The following WDFY4 variants were observed in gnomAD, a reference collection of about 807,000 sequenced individuals.
The protein encoded by WDFY4 is WDFY family member 4.
A neutral mutation model predicts 351.9 loss-of-function variants in WDFY4; 169 were observed. That is an observed-to-expected ratio of 0.48 (90% confidence interval 0.42 to 0.55). The LOEUF (loss-of-function observed/expected upper bound fraction) is 0.55, where lower values mean the gene tolerates loss of function less well. Among genes scored for constraint, WDFY4 ranks in the 20% least tolerant of loss-of-function variants. The pLI is 0.00. For missense variants in WDFY4, 3,803 were observed against 3,935.6 expected (o/e 0.97, Z 0.90); for synonymous variants, 1,622 against 1,574.6 (o/e 1.03, Z -0.71).
At chr10:48,884,248 G>C (rs772010522) in intron 43 of WDFY4, 2 of 152,116 alleles carry the variant, frequency 1.3e-5, no homozygotes, top group Admixed American at 6.5e-5. Context: ...GCTCCTCCCA[G>C]GTATCTTTAG....
At chr10:48,909,377 G>A (rs1837803075) in intron 47 of WDFY4, 1 of 151,022 alleles carries the variant, frequency 6.6e-6, no homozygotes, top group Non-Finnish European at 1.5e-5. Context: ...CTTATCTATA[G>A]TATTTTTTAG....
chr10:48,775,842 GAAGTAA>G, intron 15 of WDFY4, 36 bp downstream of exon 15: 1 of 1,519,226 alleles, frequency 6.6e-7, no homozygotes, highest in Non-Finnish European at 8.9e-7. Context: ...AGGTTAATGG[GAAGTAA>G]AAGATGATAG....
intron 23 of WDFY4, among the ~76,000 whole-genome samples, chr10:48,791,542 C>T (rs998859872): frequency 9.9e-5 from 15 of 152,182 alleles, no homozygotes; most frequent in African/African-American, 3.4e-4. Context: ...GTGTTGAGAG[C>T]TTAGAGGAGC....
At chr10:48,946,759 A>T in intron 50 of WDFY4, 101 bp from the exon 51 acceptor site, 1 of 844,832 alleles carries the variant, frequency 1.2e-6, no homozygotes, top group Non-Finnish European at 1.9e-6. Flanking sequence ...GTCAATGAAT[A>T]TATGTTTTTA....
intron 6 of WDFY4, among the ~76,000 whole-genome samples, 179 bp downstream of exon 6, chr10:48,726,249 A>G (rs1264977145): frequency 6.6e-6 from 1 of 152,224 alleles, no homozygotes; most frequent in African/African-American, 2.4e-5. Context: ...ATAATTCTAC[A>G]TGGCTTGGCT....
chr10:48,703,876 T>C (rs1352238762), intron 1 of WDFY4, among the ~76,000 whole-genome samples: 1 of 152,086 alleles, frequency 6.6e-6, no homozygotes, highest in Admixed American at 6.5e-5. Flanking sequence ...ATGCTATGTA[T>C]CCCTGCAGGG....
intron 13 of WDFY4, among the ~76,000 whole-genome samples, chr10:48,774,171 C>G (rs1383419102): frequency 1.3e-5 from 2 of 152,264 alleles, no homozygotes; most frequent in African/African-American, 4.8e-5. Context: ...GCAGACGCAG[C>G]CTCCTGCCTG....
rs560695598 is a variant in WDFY4 at position 48,980,411 on chromosome 10, G to T, written c.9377-956G>T. Among the ~76,000 whole-genome samples the T allele has an allele frequency of 2.0e-5, 3 of 152,310 alleles. No individual in the cohort carries two copies. In the South Asian group the frequency reaches 6.2e-4, roughly 32 times the overall value. ...CTATACCCCTCAAATGTCTTAAGGG[G>T]CAAGAAAGGAGATCTTTGAAGATAT... On this transcript the variant is annotated intron_variant, in intron 60 of 61. Coordinates refer to ENST00000325239, the MANE Select transcript of WDFY4 (RefSeq NM_001394531.1).
At chr10:48,709,534 T>C in intron 1 of WDFY4, among the ~76,000 whole-genome samples, 182 bp from the exon 2 acceptor site, 1 of 152,250 alleles carries the variant, frequency 6.6e-6, no homozygotes, top group East Asian at 1.9e-4. Context: ...GAACTTGTAT[T>C]AATCACATCT....
chr10:48,879,731 T>A (rs1047347485), intron 43 of WDFY4, among the ~76,000 whole-genome samples: 1 of 152,134 alleles, frequency 6.6e-6, no homozygotes, highest in Non-Finnish European at 1.5e-5. Context: ...CTTCTGTAGG[T>A]CTGAGCTCCT....
Position 48,743,117 on chromosome 10 carries a change from G to A in WDFY4, c.2028G>A (p.Gln676=). Residue 676 remains glutamine (Q), a synonymous_variant, in exon 12 of 62, where the codon CAG becomes CAA. Coordinates refer to ENST00000325239, the MANE Select transcript of WDFY4 (RefSeq NM_001394531.1). ...LQAWGAVSPR[Q]TLELVLYTLC... ...CATGGGGAGCAGTATCCCCCAGACA[G>A]ACCCTGGAGCTGGTTTTGTACACTC... 1 of 1,551,758 alleles carries A rather than the reference G, an allele frequency of 6.4e-7. No individual in the cohort carries two copies. The highest frequency in any genetic ancestry group is 8.7e-7 in the Non-Finnish European group (1 of 1,147,004).
chr10:48,768,723 A>AGAG (rs1555000834), intron 13 of WDFY4, among the ~76,000 whole-genome samples: 1 of 140,978 alleles, frequency 7.1e-6, no homozygotes, highest in African/African-American at 2.7e-5. Context: ...GGGAGAGGAG[A>AGAG]AGAGAGAGAG....
intron 1 of WDFY4, among the ~76,000 whole-genome samples, chr10:48,686,938 A>G (rs2063066857): frequency 1.3e-5 from 2 of 152,184 alleles, no homozygotes; most frequent in South Asian, 4.1e-4. Flanking sequence ...ACTGGATGTC[A>G]CCACGTTGTT....
chr10:48,785,685 T>C (rs2066383264), intron 19 of WDFY4, among the ~76,000 whole-genome samples: 1 of 152,222 alleles, frequency 6.6e-6, no homozygotes, highest in Non-Finnish European at 1.5e-5. Context: ...TTCTGTTCCA[T>C]CGATCTATGT....
At chr10:48,855,065 A>G (rs2069089973) in intron 39 of WDFY4, among the ~76,000 whole-genome samples, 1 of 152,224 alleles carries the variant, frequency 6.6e-6, no homozygotes, top group Non-Finnish European at 1.5e-5. Flanking sequence ...AAAAAAAATG[A>G]AAGAAAAGAA....
At chr10:48,750,680 C>T (rs927542197) in intron 12 of WDFY4, among the ~76,000 whole-genome samples, 2 of 152,244 alleles carry the variant, frequency 1.3e-5, no homozygotes, top group African/African-American at 2.4e-5. Context: ...TGTGTTTGCA[C>T]ACTTGAGCAT....
intron 47 of WDFY4, among the ~76,000 whole-genome samples, chr10:48,924,459 G>C (rs1413289322): frequency 6.6e-6 from 1 of 152,234 alleles, no homozygotes; most frequent in Non-Finnish European, 1.5e-5. Flanking sequence ...TAGTTATAGG[G>C]AGAAAGATGT....
intron 43 of WDFY4, among the ~76,000 whole-genome samples, chr10:48,877,833 G>A (rs1375872726): frequency 1.3e-5 from 2 of 152,242 alleles, no homozygotes; most frequent in African/African-American, 4.8e-5. Flanking sequence ...CACTCTTCGT[G>A]TGTGTGTCCT....
chr10:48,888,780 A>G (rs959511157), intron 43 of WDFY4, among the ~76,000 whole-genome samples: 1 of 152,174 alleles, frequency 6.6e-6, no homozygotes, highest in Non-Finnish European at 1.5e-5. Flanking sequence ...CAAGTTTCCA[A>G]CCTTCAAGTT....
Sources: allele counts gnomAD v4.1 joint callset (sites outside exome capture counted in the v4.1 genomes callset), GRCh38; gene constraint gnomAD v4.1.1; transcripts MANE v1.5; gene names NCBI Gene and HGNC (gene_info 2026-07-23, HGNC 2026-07-21).